IL31RA: variants seen among roughly 807,000 people sequenced by gnomAD.
IL31RA encodes the protein interleukin 31 receptor A, also known as interleukin-31 receptor subunit alpha.
In IL31RA, 66 loss-of-function variants were observed where a neutral mutation model predicts 83.7. That is an observed-to-expected ratio of 0.79 (90% CI 0.65 to 0.97). IL31RA has a LOEUF of 0.97. Among genes scored for constraint, IL31RA ranks in the 50% least tolerant of loss-of-function variants. The probability of loss-of-function intolerance (pLI) is 0.00; values close to 1 mark genes in which losing one functional copy is unlikely to be tolerated. For missense variants in IL31RA, 798 were observed against 919.4 expected (o/e 0.87, Z 1.71); for synonymous variants, 325 against 329.0 (o/e 0.99, Z 0.13).
chr5:55,868,121 A>C (rs1388909454), intron 2 of IL31RA, among the ~76,000 whole-genome samples: 3 of 152,248 alleles, frequency 2.0e-5, no homozygotes, highest in African/African-American at 7.2e-5. Context: ...AGGAAATCCT[A>C]AATTTCAACA....
chr5:55,890,795 C>T (rs1747940360), intron 6 of IL31RA, among the ~76,000 whole-genome samples: 1 of 152,106 alleles, frequency 6.6e-6, no homozygotes, highest in South Asian at 2.1e-4. Flanking sequence ...TTTTTAATGA[C>T]AGTGAGGAAA....
intron 1 of IL31RA, among the ~76,000 whole-genome samples, chr5:55,855,496 A>C (rs1561534705): frequency 6.6e-6 from 1 of 152,142 alleles, no homozygotes; most frequent in Non-Finnish European, 1.5e-5. Context: ...AACCAAAGGA[A>C]GGCAAGCCCT....
At chr5:55,851,745 T>C (rs1222023689) in intron 1 of IL31RA, 112 bp downstream of exon 1, 1 of 1,602,670 alleles carries the variant, frequency 6.2e-7, no homozygotes, top group East Asian at 2.2e-5. Flanking sequence ...TCTCAAATCC[T>C]GAGCCGTATG....
In IL31RA at chr5:55,914,811, A is replaced by G. The variant is rs1448116097; in HGVS notation, c.1737-36A>G. 3 of 1,458,538 alleles carry G rather than the reference A, an allele frequency of 2.1e-6. No individual in the cohort carries two copies. The Admixed American group carries it at 5.0e-5, about 24-fold the overall frequency. 90.3% of individuals were successfully genotyped at this position (1,458,538 alleles called of 1,614,324 possible). On this transcript the variant is annotated intron_variant, in intron 13 of 14. Coordinates refer to ENST00000652347, the MANE Select transcript of IL31RA (RefSeq NM_139017.7). ...GCCATATGGTGCTAATGCTTCTTGG[A>G]TTCAATTCCCATCTTAAAATCTTCT... is the stretch of plus-strand genomic sequence containing the variant.
At chr5:55,880,787 A>G (rs1747160638) in intron 4 of IL31RA, among the ~76,000 whole-genome samples, 1 of 152,238 alleles carries the variant, frequency 6.6e-6, no homozygotes, top group African/African-American at 2.4e-5. Flanking sequence ...TGTTAATTCT[A>G]GACTCTGTGA....
At chr5:55,877,984 T>C (rs1367179538) in intron 4 of IL31RA, among the ~76,000 whole-genome samples, 1 of 152,206 alleles carries the variant, frequency 6.6e-6, no homozygotes, top group African/African-American at 2.4e-5. Flanking sequence ...CTTGATCCTG[T>C]TCCACAGCTC....
chr5:55,908,517 C>G, intron 11 of IL31RA, 106 bp downstream of exon 11: 2 of 1,608,018 alleles, frequency 1.2e-6, no homozygotes, highest in South Asian at 2.2e-5. Context: ...GACTTGCAAC[C>G]TGGCATGAAT....
intron 1 of IL31RA, among the ~76,000 whole-genome samples, chr5:55,857,360 C>T (rs376885445): frequency 3.3e-5 from 5 of 152,280 alleles, no homozygotes; most frequent in African/African-American, 1.2e-4. Flanking sequence ...CTCAGCCTCC[C>T]AAAGTCTTGG....
chr5:55,909,747 C>G (rs1360058703), intron 11 of IL31RA, among the ~76,000 whole-genome samples: 1 of 151,382 alleles, frequency 6.6e-6, no homozygotes, highest in Admixed American at 6.6e-5. Context: ...TGTTGTTGCC[C>G]AGACTGGAGT....
chr5:55,870,149 C>G lies in IL31RA; in HGVS notation c.272+1241C>G, dbSNP rs150499398. ...TTTTCAACACTACTGTTATAGCACT[C>G]ATACAGCTATAGGCAATATATAAAC... On this transcript the variant is annotated intron_variant, in intron 3 of 14. Coordinates refer to ENST00000652347, the MANE Select transcript of IL31RA (RefSeq NM_139017.7). Among the ~76,000 whole-genome samples the G allele has an allele frequency of 3.7e-4, 57 of 152,314 alleles. 1 individual carries two copies. In the East Asian group the frequency reaches 0.011, roughly 29 times the overall value.
intron 11 of IL31RA, 88 bp from the exon 12 acceptor site, chr5:55,910,443 AG>A: frequency 7.0e-7 from 1 of 1,433,494 alleles, no homozygotes; most frequent in Non-Finnish European, 9.8e-7. Flanking sequence ...TTGGAAGCAC[AG>A]GTTCCAATGC....
rs1746162197 is a variant in IL31RA at position 55,867,184 on chromosome 5, T to C, written c.155-1607T>C. 1.1e-4 allele frequency among the ~76,000 whole-genome samples: 4 copies of C among 35,202 alleles called. No individual in the cohort carries two copies. The South Asian group carries it at 5.4e-3, about 48-fold the overall frequency. 23.1% of individuals were successfully genotyped at this position (35,202 alleles called of 152,430 possible). A position where few individuals can be genotyped will look rare whatever the true frequency, so the allele number is the denominator to read the frequency against. ...GTGTGTGTGCATGTGTGTGTGCATG[T>C]GTGTTTGTGTGTGTTTGTGTGTGTG... On this transcript the variant is annotated intron_variant, in intron 2 of 14. Coordinates refer to ENST00000652347, the MANE Select transcript of IL31RA (RefSeq NM_139017.7).
chr5:55,908,184 G>C, intron 10 of IL31RA, 81 bp from the exon 11 acceptor site: 1 of 1,600,970 alleles, frequency 6.2e-7, no homozygotes, highest in Non-Finnish European at 8.5e-7. Context: ...TTTGGTCTGA[G>C]TACTGGCCAG....
At chr5:55,910,750 G>C in intron 12 of IL31RA, 78 bp downstream of exon 12, 1 of 1,523,282 alleles carries the variant, frequency 6.6e-7, no homozygotes, top group Non-Finnish European at 9.1e-7. Flanking sequence ...TCTGCCAAAA[G>C]CTGGAGGAAG....
At chr5:55,868,465 A>G (rs1746319244) in intron 2 of IL31RA, among the ~76,000 whole-genome samples, 1 of 152,200 alleles carries the variant, frequency 6.6e-6, no homozygotes, top group Non-Finnish European at 1.5e-5. Flanking sequence ...TGATTCTACC[A>G]TTTGATGCTT....
At chr5:55,844,343 T>G in the IL31RA span, among the ~76,000 whole-genome samples, 10,680 of 152,194 alleles carry the variant, frequency 0.07, 555 homozygotes, top group African/African-American at 0.15. Flanking sequence ...TTAAAAGTTC[T>G]TCCAAGAGAA....
intron 4 of IL31RA, among the ~76,000 whole-genome samples, chr5:55,875,401 C>G (rs1290949630): frequency 1.3e-5 from 2 of 152,020 alleles, no homozygotes; most frequent in Non-Finnish European, 2.9e-5. Context: ...TCCTCATCTT[C>G]TATTTTTTGG....
At position 55,910,622 on chromosome 5, in the gene IL31RA, G is replaced by A; in HGVS notation, c.1592G>A (p.Ser531Asn). Residue 531 changes from serine (S) to asparagine (N), a missense_variant, in exon 12 of 15, where the codon AGT becomes AAT. Coordinates refer to ENST00000652347, the MANE Select transcript of IL31RA (RefSeq NM_139017.7). ...ATTGTTCAGGTCATGGCCAGCACCA[G>A]TGCTGGGGGAACCAACGGGACCAGC... ...SYIVQVMASTSAGGTNGTSIN... is the reference protein window; with the variant it reads ...SYIVQVMASTNAGGTNGTSIN... 1.2e-6 allele frequency: 2 copies of A among 1,614,200 alleles called. No homozygotes were observed. The highest frequency in any genetic ancestry group is 1.3e-5 in the African/African-American group (1 of 75,058).
At position 55,896,352 on chromosome 5, in the gene IL31RA, C is replaced by A. The variant is rs937624006; in HGVS notation, c.775C>A (p.Pro259Thr). ...TACCTCATTCTTGTTCCTTACAGCT[C>A]CATGTGGCCTGGAACTGTGGAGAGT... ...EKMGMTEEEAPCGLELWRVLK... is the reference protein window; with the variant it reads ...EKMGMTEEEATCGLELWRVLK... The change falls in exon 7 of 15, where the codon CCA becomes ACA. Residue 259 changes from proline (P) to threonine (T), a missense_variant and splice_region_variant. Physicochemically the swap from Pro to Thr is conservative, Grantham distance 38. Transcript: ENST00000652347. 8 of 1,610,758 alleles carry A rather than the reference C, an allele frequency of 5.0e-6. No homozygotes were observed. The African/African-American group carries it at 1.1e-4, about 22-fold the overall frequency.
Sources: allele counts gnomAD v4.1 joint callset (sites outside exome capture counted in the v4.1 genomes callset), GRCh38; gene constraint gnomAD v4.1.1; transcripts MANE v1.5; gene names NCBI Gene and HGNC (gene_info 2026-07-23, HGNC 2026-07-21).